The following JADE3 variants were observed in gnomAD, a reference collection of about 807,000 sequenced individuals.
JADE3 encodes protein Jade-3.
In JADE3, 2 loss-of-function variants were observed where a neutral mutation model predicts 50.1. The observed-to-expected ratio is 0.04, with a 90% CI of 0.02 to 0.13. JADE3 has a LOEUF of 0.13. Among genes scored for constraint, JADE3 ranks in the 10% least tolerant of loss-of-function variants. JADE3 has a pLI of 1.00. For missense variants in JADE3, 475 were observed against 634.4 expected (o/e 0.75, Z 2.70); for synonymous variants, 218 against 232.9 (o/e 0.94, Z 0.58).
At chrX:47,049,755 CTTTTTTTTTTTTT>C (rs536912145) in intron 8 of JADE3, among the ~76,000 whole-genome samples, 4 of 55,889 alleles carry the variant, frequency 7.2e-5, no homozygotes, top group African/African-American at 2.7e-4. Context: ...TCTTCTTCTT[CTTTTTTTTTTTTT>C]TTTTTTTTTT....
intron 1 of JADE3, among the ~76,000 whole-genome samples, chrX:46,967,659 C>T (rs782337478): frequency 2.7e-5 from 3 of 111,532 alleles, no homozygotes; most frequent in Non-Finnish European, 5.6e-5. Context: ...CTTCCTGGGG[C>T]GGCTACTGGA....
Position 47,001,426 on chromosome X carries a change from A to G in JADE3, c.284+3149A>G, listed in dbSNP as rs371154137. ...GAAATATGTTTATCTCATTTCCTGA[A>G]TTTAATGGAAATCTCCATACTTTTA... On this transcript the variant is annotated intron_variant, in intron 4 of 10. Transcript: ENST00000614628. Among the ~76,000 whole-genome samples the G allele has an allele frequency of 6.4e-4, 72 of 111,882 alleles. No homozygotes were observed. The South Asian group carries it at 0.025, about 38-fold the overall frequency.
chrX:46,915,093 C>T (rs1556336009), intron 1 of JADE3, among the ~76,000 whole-genome samples: 1 of 111,969 alleles, frequency 8.9e-6, no homozygotes, highest in Non-Finnish European at 1.9e-5. Context: ...GCCATATCTT[C>T]TTTCTGCCCA....
At position 46,991,727 on chromosome X, in the gene JADE3, C is replaced by T. The variant is rs199877052; in HGVS notation, c.126+5935C>T. ...TTTGTTATTGCTGTAACAGAGACTT[C>T]AAATTCTTCTAGTGACACTGTTTTT... On this transcript the variant is annotated intron_variant, in intron 3 of 10. Transcript: ENST00000614628. Among the ~76,000 whole-genome samples, 1,045 of 111,688 alleles carry T rather than the reference C, an allele frequency of 9.4e-3. 8 individuals are homozygous for T. The highest frequency in any genetic ancestry group is 0.025 in the East Asian group (90 of 3,536).
chrX:46,923,404 T>C (rs1481908271), intron 1 of JADE3, among the ~76,000 whole-genome samples: 16 of 56,083 alleles, frequency 2.9e-4, no homozygotes, highest in East Asian at 2.8e-3. Context: ...TTTTTTTTTT[T>C]TTTTTTTTTT....
At chrX:46,929,366 A>G (rs997935142) in intron 1 of JADE3, among the ~76,000 whole-genome samples, 2 of 112,165 alleles carry the variant, frequency 1.8e-5, no homozygotes, top group African/African-American at 6.5e-5. Flanking sequence ...TTAACATGCA[A>G]GAAGGAGCTT....
Position 47,054,374 on chromosome X carries a change from G to A in JADE3, c.1189G>A (p.Ala397Thr), listed in dbSNP as rs1449241636. The change falls in exon 9 of 11, where the codon GCA (alanine) becomes ACA (threonine). Residue 397 changes from alanine (A) to threonine (T), a missense_variant. By Grantham distance (58) the Ala-to-Thr change is moderately conservative. Coordinates refer to ENST00000614628, the MANE Select transcript of JADE3 (RefSeq NM_014735.5). ...CAAAAGTGAGAAAACCAGCCTGCGG[G>A]CACAGAAGCTTCGGGAGCTGGAGGA... ...QAKSEKTSLR[A>T]QKLRELEEEF... is the part of the protein sequence containing the mutation. 1.7e-6 allele frequency: 2 copies of A among 1,209,452 alleles called. No individual in the cohort carries two copies. The highest frequency in any genetic ancestry group is 2.2e-6 in the Non-Finnish European group (2 of 894,875).
At position 47,044,125 on chromosome X, in the gene JADE3, C is replaced by T. The variant is rs917967512; in HGVS notation, c.972+5060C>T. 2.7e-5 allele frequency among the ~76,000 whole-genome samples: 3 copies of T among 111,486 alleles called. 1 individual carries two copies. The highest frequency in any genetic ancestry group is 7.4e-4 in the South Asian group (2 of 2,696). On this transcript the variant is annotated intron_variant, in intron 8 of 10. Coordinates refer to ENST00000614628, the MANE Select transcript of JADE3 (RefSeq NM_014735.5). ...GAAAGTTTATTCAAAGGGATAATAA[C>T]AGAGAACTTCCCAAATGTAGAGAAA...
At chrX:46,986,387 C>T (rs1927864253) in intron 3 of JADE3, among the ~76,000 whole-genome samples, 1 of 112,360 alleles carries the variant, frequency 8.9e-6, no homozygotes, top group South Asian at 3.7e-4. Flanking sequence ...CATTTTCTAT[C>T]TCCTTTAGGA....
At chrX:47,022,671 GTTTA>G (rs1423014910) in intron 4 of JADE3, among the ~76,000 whole-genome samples, 2 of 111,702 alleles carry the variant, frequency 1.8e-5, no homozygotes, top group African/African-American at 6.5e-5. Flanking sequence ...ACATACGTGT[GTTTA>G]TTTCTTTTTT....
chrX:46,962,940 A>C (rs1002816876), intron 1 of JADE3, among the ~76,000 whole-genome samples: 1 of 109,391 alleles, frequency 9.1e-6, no homozygotes, highest in African/African-American at 3.3e-5. Context: ...CCAGGTTCAA[A>C]CGATTCTCCT....
rs1929705872 is a variant in JADE3 at position 47,059,101 on chromosome X, A to G, written c.*24A>G. 9.0e-7 allele frequency: 1 copy of G among 1,113,430 alleles called. No homozygotes were observed. Among genetic ancestry groups the G allele is most frequent in the Non-Finnish European group, 1.2e-6 (1 of 835,204 alleles). The allele number at this position is 1,113,430 out of a possible 1,213,427, so 91.8% of individuals were successfully genotyped here. On this transcript the variant is annotated 3_prime_UTR_variant, in exon 11 of 11. Coordinates refer to ENST00000614628, the MANE Select transcript of JADE3 (RefSeq NM_014735.5). ...GATTAGAAACTTCCAAGGATGACCC[A>G]ACCTTTGCCTTTGCCCCATATATTG...
intron 8 of JADE3, among the ~76,000 whole-genome samples, chrX:47,049,935 C>CT (rs1172372601): frequency 1.9e-5 from 2 of 106,014 alleles, no homozygotes; most frequent in Non-Finnish European, 1.9e-5. Context: ...CACTCTTCTT[C>CT]TTTTTTTTAA....
At chrX:47,014,910 C>A (rs1556362540) in intron 4 of JADE3, among the ~76,000 whole-genome samples, 1 of 112,168 alleles carries the variant, frequency 8.9e-6, no homozygotes, top group East Asian at 2.8e-4. Context: ...TGTTCTATAA[C>A]AAACCCTTGC....
chrX:46,947,493 C>T (rs1403680887), intron 1 of JADE3, among the ~76,000 whole-genome samples: 1 of 111,422 alleles, frequency 9.0e-6, no homozygotes, highest in African/African-American at 3.3e-5. Context: ...CTTTTTCCAT[C>T]CTAAGTAGAA....
At chrX:46,976,447 C>T (rs1458186232) in intron 1 of JADE3, among the ~76,000 whole-genome samples, 1 of 112,068 alleles carries the variant, frequency 8.9e-6, no homozygotes, top group Non-Finnish European at 1.9e-5. Context: ...AACCACTGTG[C>T]TGTTAATTAT....
intron 1 of JADE3, among the ~76,000 whole-genome samples, chrX:46,977,082 GGGTGT>G (rs1927643257): frequency 8.9e-6 from 1 of 112,036 alleles, no homozygotes; most frequent in African/African-American, 3.2e-5. Context: ...GAGTTTGGCT[GGGTGT>G]GGTGGCTCAC....
intron 4 of JADE3, among the ~76,000 whole-genome samples, chrX:46,999,814 C>G (rs954353602): frequency 2.7e-5 from 3 of 110,821 alleles, no homozygotes; most frequent in Admixed American, 2.0e-4. Flanking sequence ...GTTTCCAATA[C>G]TTTACACAAA....
At chrX:46,958,414 A>C in intron 1 of JADE3, among the ~76,000 whole-genome samples, 1 of 111,882 alleles carries the variant, frequency 8.9e-6, no homozygotes, top group Non-Finnish European at 1.9e-5. Context: ...AAATTCATCT[A>C]TGTTACTCAT....
Sources: gnomAD v4.1 joint callset for allele counts (sites outside exome capture counted in the v4.1 genomes callset) on GRCh38, gnomAD v4.1.1 for gene constraint, MANE v1.5 for transcripts, NCBI Gene and HGNC (gene_info 2026-07-23, HGNC 2026-07-21) for gene names.